FAF1: variants seen among roughly 807,000 people sequenced by gnomAD.
FAF1 encodes the protein Fas associated factor 1, also known as FAS-associated factor 1.
FAF1 carries 25 observed loss-of-function variants against 92.5 expected under a neutral mutation model. The observed-to-expected ratio is 0.27, with a 90% CI of 0.20 to 0.38. The LOEUF (loss-of-function observed/expected upper bound fraction) is 0.38, where lower values mean the gene tolerates loss of function less well. FAF1 is among the 10% of genes least tolerant of loss of function. The pLI, the probability that FAF1 is intolerant of heterozygous loss-of-function variation, is 1.00. For missense variants in FAF1, 636 were observed against 793.3 expected (o/e 0.80, Z 2.38); for synonymous variants, 234 against 273.2 (o/e 0.86, Z 1.42).
intron 7 of FAF1, among the ~76,000 whole-genome samples, chr1:50,677,327 G>A (rs1656166786): frequency 6.6e-6 from 1 of 152,032 alleles, no homozygotes; most frequent in African/African-American, 2.4e-5. Context: ...CTTTTTTGAG[G>A]AGCAATTTGG....
chr1:50,735,939 A>C (rs1659119887), intron 6 of FAF1, among the ~76,000 whole-genome samples: 1 of 152,108 alleles, frequency 6.6e-6, no homozygotes, highest in Non-Finnish European at 1.5e-5. Context: ...GGCTGGTCTC[A>C]AACTCCTATT....
intron 6 of FAF1, 28 bp from the exon 7 acceptor site, chr1:50,705,919 A>G: frequency 7.2e-7 from 1 of 1,386,932 alleles, no homozygotes; most frequent in Non-Finnish European, 1.0e-6. Context: ...AAAACAAGGA[A>G]CTCAGAGATG....
At chr1:50,632,152 C>A (rs936590390) in intron 8 of FAF1, among the ~76,000 whole-genome samples, 7 of 152,032 alleles carry the variant, frequency 4.6e-5, no homozygotes, top group Non-Finnish European at 7.4e-5. Context: ...GTAAGGGGTA[C>A]GATGAACACT....
chr1:50,904,806 TAAC>T (rs1287783927), intron 1 of FAF1, among the ~76,000 whole-genome samples: 5 of 152,062 alleles, frequency 3.3e-5, no homozygotes, highest in South Asian at 2.1e-4. Flanking sequence ...GAAACAAATA[TAAC>T]TACTACCCAA....
At chr1:50,611,164 A>AT (rs1284075713) in intron 8 of FAF1, among the ~76,000 whole-genome samples, 1 of 152,198 alleles carries the variant, frequency 6.6e-6, no homozygotes, top group Non-Finnish European at 1.5e-5. Context: ...CACTTTGTTA[A>AT]TTCTTTTGTG....
At chr1:50,544,629 T>C (rs1405409528) in intron 13 of FAF1, among the ~76,000 whole-genome samples, 1 of 152,184 alleles carries the variant, frequency 6.6e-6, no homozygotes, top group African/African-American at 2.4e-5. Flanking sequence ...ACTTTAAAAA[T>C]ATTAATTCCC....
At chr1:50,752,004 CT>C (rs1659888632) in intron 4 of FAF1, among the ~76,000 whole-genome samples, 1 of 152,028 alleles carries the variant, frequency 6.6e-6, no homozygotes, top group South Asian at 2.1e-4. Context: ...CAGTCTCACT[CT>C]ATTGCCCAGG....
chr1:50,613,141 T>A (rs1024345621), intron 8 of FAF1, among the ~76,000 whole-genome samples: 2 of 152,210 alleles, frequency 1.3e-5, no homozygotes, highest in Admixed American at 1.3e-4. Context: ...GAGAAATATA[T>A]AACCTACCTA....
In FAF1 at chr1:50,758,978, G is replaced by A. The variant is rs1029836254; in HGVS notation, c.368-14203C>T. 2.7e-3 allele frequency among the ~76,000 whole-genome samples: 416 copies of A among 152,080 alleles called. 3 individuals carry two copies. Among genetic ancestry groups the A allele is most frequent in the African/African-American group, 9.4e-3 (392 of 41,490 alleles). On this transcript the variant is annotated intron_variant, in intron 4 of 18. Coordinates refer to ENST00000396153, the MANE Select transcript of FAF1 (RefSeq NM_007051.3). Reference sequence around the variant, plus strand: ...CTGCCTCAGCCTTCCGAGTAGCTGGGACTACAGGCACCAGCCACCACGTCC... The same window carrying A: ...CTGCCTCAGCCTTCCGAGTAGCTGGAACTACAGGCACCAGCCACCACGTCC...
intron 13 of FAF1, among the ~76,000 whole-genome samples, chr1:50,564,090 TGA>T (rs1274156361): frequency 2.6e-5 from 4 of 152,196 alleles, no homozygotes; most frequent in Non-Finnish European, 5.9e-5. Flanking sequence ...CCTACATACA[TGA>T]GAGATCCACA....
chr1:50,938,837 C>T (rs1196360503), intron 1 of FAF1, among the ~76,000 whole-genome samples: 4 of 152,142 alleles, frequency 2.6e-5, no homozygotes, highest in Non-Finnish European at 4.4e-5. Context: ...GGGGTCCTCT[C>T]CTCATTGTTT....
At chr1:50,878,328 G>A (rs569469968) in intron 1 of FAF1, among the ~76,000 whole-genome samples, 213 of 152,270 alleles carry the variant, frequency 1.4e-3, no homozygotes, top group African/African-American at 4.8e-3. Flanking sequence ...ATTTTCCTAA[G>A]CAGTCCTCAG....
intron 4 of FAF1, among the ~76,000 whole-genome samples, chr1:50,753,844 G>A (rs964014510): frequency 2.0e-5 from 3 of 147,808 alleles, no homozygotes; most frequent in African/African-American, 7.5e-5. Context: ...TGCAACCTCT[G>A]CCTCCAGGAT....
At chr1:50,943,141 C>G (rs1645147186) in intron 1 of FAF1, among the ~76,000 whole-genome samples, 1 of 152,200 alleles carries the variant, frequency 6.6e-6, no homozygotes, top group South Asian at 2.1e-4. Flanking sequence ...AATTTTCTCA[C>G]AAGTATGCCA....
intron 17 of FAF1, among the ~76,000 whole-genome samples, chr1:50,477,456 G>A (rs1262156239): frequency 6.6e-6 from 1 of 152,098 alleles, no homozygotes; most frequent in Non-Finnish European, 1.5e-5. Flanking sequence ...CCCAGAAATG[G>A]AGACATAAGA....
At chr1:50,714,631 A>C (rs751664440) in intron 6 of FAF1, among the ~76,000 whole-genome samples, 145 of 152,282 alleles carry the variant, frequency 9.5e-4, no homozygotes, top group Non-Finnish European at 1.7e-3. Context: ...ACTGCCTTTG[A>C]CAGACCTATT....
chr1:50,734,549 A>G (rs1022825223), intron 6 of FAF1, among the ~76,000 whole-genome samples: 2 of 152,086 alleles, frequency 1.3e-5, no homozygotes, highest in Admixed American at 6.5e-5. Flanking sequence ...CCTGGCTAAC[A>G]TGGTGAAACC....
chr1:50,585,349 G>A (rs1558005039), intron 9 of FAF1, among the ~76,000 whole-genome samples: 2 of 152,094 alleles, frequency 1.3e-5, no homozygotes, highest in African/African-American at 4.8e-5. Flanking sequence ...CTGAAGATGA[G>A]ATGTAATAAT....
intron 8 of FAF1, among the ~76,000 whole-genome samples, chr1:50,635,231 A>G (rs1381963494): frequency 6.6e-6 from 1 of 152,222 alleles, no homozygotes; most frequent in African/African-American, 2.4e-5. Flanking sequence ...CTGCCTACCT[A>G]ATAAAGGAAG....
Sources: gnomAD v4.1 joint callset for allele counts (sites outside exome capture counted in the v4.1 genomes callset) on GRCh38, gnomAD v4.1.1 for gene constraint, MANE v1.5 for transcripts, NCBI Gene and HGNC (gene_info 2026-07-23, HGNC 2026-07-21) for gene names.